PCDHGB1: variants seen among roughly 807,000 people sequenced by gnomAD.
PCDHGB1 encodes the protein protocadherin gamma-B1.
PCDHGB1 carries 34 observed loss-of-function variants against 56.6 expected under a neutral mutation model. The ratio of observed to expected loss-of-function variants is 0.60; its 90% CI spans 0.46 to 0.80. The LOEUF is 0.80. Ranked by LOEUF, PCDHGB1 falls within the 30% of genes least tolerant of loss-of-function variation. The probability of loss-of-function intolerance (pLI) is 0.00; values close to 1 mark genes in which losing one functional copy is unlikely to be tolerated. For synonymous variants in PCDHGB1, 561 were observed against 505.9 expected, an observed-to-expected ratio of 1.11 and a Z score of -1.46; for missense variants, 1,278 against 1,204.6, an observed-to-expected ratio of 1.06 and a Z score of -0.90.
chr5:141,420,394 C>A, intron 1 of PCDHGB1: 2 of 1,260,296 alleles, frequency 1.6e-6, no homozygotes, highest in Non-Finnish European at 2.1e-6. Flanking sequence ...AAATATAGGT[C>A]AAATTTATGG....
At chr5:141,498,967 GGGAGGGAA>G (rs1395523211) in intron 2 of PCDHGB1, among the ~76,000 whole-genome samples, 34 of 129,670 alleles carry the variant, frequency 2.6e-4, no homozygotes, top group Admixed American at 1.5e-3. Flanking sequence ...GAGGGAGGGA[GGGAGGGAA>G]GGAAGGAAGG....
rs1193095881 is a variant in PCDHGB1 at position 141,490,273 on chromosome 5, G to T, written c.2410-4534G>T. On this transcript the variant is annotated intron_variant, in intron 1 of 3. Coordinates refer to ENST00000523390, the MANE Select transcript of PCDHGB1 (RefSeq NM_018922.3). This position sits in a 1 kb window ranked among gnomAD's most constrained non-coding sequence, Gnocchi z 5.4. ...TCAAGTGGATGTGGGGGATGTCAAT[G>T]ACAATGCCCCAGAGGTGCTATTGGC... 6.2e-7 allele frequency: 1 copy of T among 1,614,108 alleles called. No homozygotes were observed. The highest frequency in any genetic ancestry group is 8.5e-7 in the Non-Finnish European group (1 of 1,180,052).
chr5:141,484,944 AG>A (rs1354711871), intron 1 of PCDHGB1: 1 of 546,450 alleles, frequency 1.8e-6, no homozygotes, highest in Non-Finnish European at 3.3e-6. Context: ...TTCTCTGCTC[AG>A]CCTATTGGCT....
intron 1 of PCDHGB1, among the ~76,000 whole-genome samples, chr5:141,492,574 G>T (rs2099742096): frequency 6.6e-6 from 1 of 152,232 alleles, no homozygotes; most frequent in Non-Finnish European, 1.5e-5. Flanking sequence ...TGAGCGAGGC[G>T]CGGGGCCAGG....
At chr5:141,414,100 G>A (rs1293589634) in intron 1 of PCDHGB1, 2 of 1,593,288 alleles carry the variant, frequency 1.3e-6, no homozygotes. Context: ...AAAAATATCA[G>A]AAAATCTAGA....
In PCDHGB1 at chr5:141,352,624, T is replaced by A. The variant is rs763883175; in HGVS notation, c.2364T>A (p.Ser788Arg). 3.1e-6 allele frequency: 5 copies of A among 1,612,368 alleles called. No homozygotes were observed. In the Admixed American group the frequency reaches 5.0e-5, roughly 16 times the overall value. The stretch of plus-strand genomic sequence containing the variant: ...ATCCTTCTATGGTTGTATGTGCCAG[T>A]AATGAAGATCACAAAATCGCTTATG... The part of the protein sequence containing the change: ...CDDPSMVVCA[S>R]NEDHKIAYDP... Residue 788 changes from serine (S) to arginine (R), a missense_variant, in exon 1 of 4, where the codon AGT becomes AGA. By Grantham distance (110) the Ser-to-Arg change is moderately radical. Transcript: ENST00000523390.
chr5:141,351,276 A>G lies in PCDHGB1; in HGVS notation c.1016A>G (p.Asn339Ser), dbSNP rs202007643. 8 of 1,613,958 alleles carry G rather than the reference A, an allele frequency of 5.0e-6. No individual in the cohort carries two copies. The highest frequency in any genetic ancestry group is 6.8e-6 in the Non-Finnish European group (8 of 1,179,840). ...ATAGAAATTGTTGACGAGAATGACA[A>G]TGCCCCAGAGGTGACATTCATGTCC... ...VQIEIVDEND[N>S]APEVTFMSFS... is the part of the protein sequence containing the mutation. Residue 339 changes from asparagine to serine, a missense_variant, in exon 1 of 4, where the codon AAT becomes AGT. Coordinates refer to ENST00000523390, the MANE Select transcript of PCDHGB1 (RefSeq NM_018922.3).
intron 1 of PCDHGB1, chr5:141,413,949 T>C (rs1291474416): frequency 6.2e-7 from 1 of 1,613,218 alleles, no homozygotes; most frequent in African/African-American, 1.3e-5. Context: ...TTCCTGAGAA[T>C]TTGCCTGTGG....
chr5:141,460,792 A>T (rs1028557260), intron 1 of PCDHGB1, among the ~76,000 whole-genome samples: 30 of 152,012 alleles, frequency 2.0e-4, no homozygotes, highest in Non-Finnish European at 2.9e-5. Context: ...ATATACACAC[A>T]AAGTATATAT....
At chr5:141,509,376 C>A (rs2099876528) in intron 3 of PCDHGB1, among the ~76,000 whole-genome samples, 1 of 152,122 alleles carries the variant, frequency 6.6e-6, no homozygotes, top group African/African-American at 2.4e-5. Flanking sequence ...TTAACTGTCT[C>A]CTAACCACAG....
intron 1 of PCDHGB1, chr5:141,422,001 C>T (rs2096616874): frequency 6.2e-7 from 1 of 1,609,114 alleles, no homozygotes; most frequent in Non-Finnish European, 8.5e-7. Context: ...ACATCAGCTC[C>T]GGAACTCGGG....
At chr5:141,398,632 A>G (rs1589336934) in intron 1 of PCDHGB1, 7 of 1,613,946 alleles carry the variant, frequency 4.3e-6, no homozygotes, top group Non-Finnish European at 5.1e-6. Context: ...CTCTCTGCAG[A>G]AGTATAAACT....
chr5:141,414,210 T>C (rs1252033650), intron 1 of PCDHGB1: 1 of 1,612,706 alleles, frequency 6.2e-7, no homozygotes, highest in East Asian at 2.2e-5. Flanking sequence ...AAGATGTAAA[T>C]GACAACAGTC....
chr5:141,361,963 C>T, intron 1 of PCDHGB1: 1 of 1,602,208 alleles, frequency 6.2e-7, no homozygotes. Context: ...CCACGTGCTG[C>T]AGGCCAGCGA....
chr5:141,395,310 A>G (rs752171326), intron 1 of PCDHGB1: 7 of 1,502,410 alleles, frequency 4.7e-6, no homozygotes. Context: ...TTTGAAAAAC[A>G]TTGTGAAGAT....
rs767147157 is a variant in PCDHGB1 at position 141,351,561 on chromosome 5, T to C, written c.1301T>C (p.Ile434Thr). Residue 434 changes from isoleucine to threonine, a missense_variant, in exon 1 of 4, where the codon ATC becomes ACC. Transcript: ENST00000523390. The part of the protein sequence containing the change: ...GKPALSSRTS[I>T]TLHISDINDN... ...CCAGCCCTTTCCTCCAGGACAAGCATCACCCTGCACATCTCCGACATCAAC... is the reference window on the plus strand; with the variant it reads ...CCAGCCCTTTCCTCCAGGACAAGCACCACCCTGCACATCTCCGACATCAAC... 1 of 1,614,004 alleles carries C rather than the reference T, an allele frequency of 6.2e-7. No homozygotes were observed. The highest frequency in any genetic ancestry group is 1.1e-5 in the South Asian group (1 of 91,076).
Position 141,352,268 on chromosome 5 carries a change from G to A in PCDHGB1, c.2008G>A (p.Asp670Asn). The A allele has an allele frequency of 6.2e-7, 1 of 1,614,092 alleles. No individual in the cohort carries two copies. Among genetic ancestry groups the A allele is most frequent in the Non-Finnish European group, 8.5e-7 (1 of 1,179,908 alleles). Residue 670 changes from aspartate (D) to asparagine (N), a missense_variant, in exon 1 of 4, where the codon GAC becomes AAC. Physicochemically the swap from Asp to Asn is conservative, Grantham distance 23. Coordinates refer to ENST00000523390, the MANE Select transcript of PCDHGB1 (RefSeq NM_018922.3). ...FADSLQEVLP[D>N]LSDRPEPSDP... ...GGATAGCCTGCAAGAGGTATTGCCA[G>A]ACCTCAGCGACCGCCCTGAGCCCTC... is the stretch of plus-strand genomic sequence containing the variant.
intron 1 of PCDHGB1, among the ~76,000 whole-genome samples, chr5:141,481,037 G>A (rs1438691746): frequency 2.0e-5 from 3 of 152,050 alleles, no homozygotes; most frequent in East Asian, 3.9e-4. Context: ...CAGCCTGGGC[G>A]ACAGAGCGAG....
At chr5:141,478,050 CG>C in intron 1 of PCDHGB1, 1 of 1,614,184 alleles carries the variant, frequency 6.2e-7, no homozygotes, top group Non-Finnish European at 8.5e-7. Context: ...CAGACTCTCA[CG>C]GTCTTGATCA....
Sources: allele counts gnomAD v4.1 joint callset (sites outside exome capture counted in the v4.1 genomes callset), GRCh38; gene constraint gnomAD v4.1.1; non-coding constraint Gnocchi (gnomAD v3.1); transcripts MANE v1.5; gene names NCBI Gene and HGNC (gene_info 2026-07-23, HGNC 2026-07-21).